The following DGKB variants were observed in gnomAD, a reference collection of about 807,000 sequenced individuals.
The protein encoded by DGKB is 90 kDa diacylglycerol kinase.
Under a neutral mutation model 114.3 loss-of-function variants are expected in DGKB, and 67 were observed. The ratio of observed to expected loss-of-function variants is 0.59; its 90% confidence interval spans 0.48 to 0.72. The LOEUF is 0.72. DGKB is among the 30% of genes least tolerant of loss of function. The probability of loss-of-function intolerance (pLI) is 0.00; values close to 1 mark genes in which losing one functional copy is unlikely to be tolerated. For missense variants in DGKB, 907 were observed against 975.2 expected, an observed-to-expected ratio of 0.93 and a Z score of 0.93; for synonymous variants, 398 against 323.1, an observed-to-expected ratio of 1.23 and a Z score of -2.49.
intron 21 of DGKB, among the ~76,000 whole-genome samples, chr7:14,418,813 A>T (rs1280836207): frequency 1.3e-5 from 2 of 151,976 alleles, no homozygotes; most frequent in Admixed American, 1.3e-4. Flanking sequence ...CAGATTCGTT[A>T]TGAGTAGCAG....
intron 1 of DGKB, among the ~76,000 whole-genome samples, chr7:14,932,282 C>T (rs1316192520): frequency 1.3e-5 from 2 of 152,178 alleles, no homozygotes; most frequent in East Asian, 1.9e-4. Flanking sequence ...TTTCCTTCTT[C>T]ATCCCAGATT....
intron 4 of DGKB, among the ~76,000 whole-genome samples, chr7:14,745,011 G>C (rs1465900731): frequency 6.6e-6 from 1 of 152,118 alleles, no homozygotes; most frequent in African/African-American, 2.4e-5. Flanking sequence ...TAAATAGGGT[G>C]CCCATAACCC....
intron 23 of DGKB, 128 bp downstream of exon 23, chr7:14,338,387 A>T: frequency 2.0e-6 from 1 of 507,632 alleles, no homozygotes; most frequent in Non-Finnish European, 3.3e-6. Context: ...TGGGTATCCC[A>T]TAATATGAAA....
intron 23 of DGKB, 73 bp downstream of exon 23, chr7:14,338,442 A>G: frequency 2.3e-6 from 2 of 871,662 alleles, no homozygotes; most frequent in African/African-American, 1.7e-5. Flanking sequence ...GCAACGGAAG[A>G]CTCTTTACTT....
chr7:14,261,407 C>G (rs1207131731), intron 23 of DGKB, among the ~76,000 whole-genome samples: 1 of 151,930 alleles, frequency 6.6e-6, no homozygotes, highest in African/African-American at 2.4e-5. Context: ...TAGATCATTC[C>G]AAGCAAATAC....
At chr7:14,916,797 T>C (rs759940846) in intron 1 of DGKB, among the ~76,000 whole-genome samples, 2 of 152,126 alleles carry the variant, frequency 1.3e-5, no homozygotes, top group African/African-American at 2.4e-5. Flanking sequence ...CTATATCTAA[T>C]TGACATTTAT....
At chr7:14,659,888 C>G in intron 13 of DGKB, among the ~76,000 whole-genome samples, 1 of 151,932 alleles carries the variant, frequency 6.6e-6, no homozygotes. Flanking sequence ...ATAGCTCTAA[C>G]TATTTTGAAA....
At chr7:14,319,059 T>A (rs939019527) in intron 23 of DGKB, among the ~76,000 whole-genome samples, 4 of 148,540 alleles carry the variant, frequency 2.7e-5, no homozygotes, top group South Asian at 2.1e-4. Flanking sequence ...ACACTGCATA[T>A]GCTCACTCAT....
intron 21 of DGKB, among the ~76,000 whole-genome samples, chr7:14,420,452 A>G (rs890852389): frequency 6.6e-6 from 1 of 152,046 alleles, no homozygotes; most frequent in African/African-American, 2.4e-5. Flanking sequence ...TAAAATATCT[A>G]CCTTATTACA....
At chr7:14,641,005 C>A (rs1045796102) in intron 13 of DGKB, among the ~76,000 whole-genome samples, 1 of 152,102 alleles carries the variant, frequency 6.6e-6, no homozygotes, top group Non-Finnish European at 1.5e-5. Context: ...TGCCCCAACC[C>A]CAAATTTCTT....
chr7:14,937,371 T>C (rs1785328482), intron 1 of DGKB, among the ~76,000 whole-genome samples: 1 of 152,194 alleles, frequency 6.6e-6, no homozygotes. Context: ...TCCAGGTACA[T>C]TGCATATTTT....
At chr7:14,504,897 G>C (rs1157863266) in intron 20 of DGKB, among the ~76,000 whole-genome samples, 2 of 152,054 alleles carry the variant, frequency 1.3e-5, no homozygotes, top group Non-Finnish European at 2.9e-5. Context: ...GATAAGAATA[G>C]TCACTGGTAA....
intron 1 of DGKB, among the ~76,000 whole-genome samples, chr7:14,857,258 T>TTGTTTGTGTGTGTGTGTGTGTGTGTG (rs1850299448): frequency 1.4e-5 from 2 of 138,356 alleles, no homozygotes; most frequent in East Asian, 4.9e-4. Flanking sequence ...CTGTGTGTGT[T>TTGTTTGTGTGTGTGTGTGTGTGTGTG]TGTGTGTGTG....
chr7:14,617,040 C>A (rs1296482752), intron 15 of DGKB, among the ~76,000 whole-genome samples: 1 of 151,646 alleles, frequency 6.6e-6, no homozygotes, highest in African/African-American at 2.4e-5. Context: ...ATTTAAAGAG[C>A]ATGATTTTAG....
rs3067654 is a variant in DGKB at position 14,343,157 on chromosome 7, CCACA to C, written c.1926+2140_1926+2143del. Among the ~76,000 whole-genome samples the C allele has an allele frequency of 4.6e-3, 607 of 132,910 alleles. 4 individuals are homozygous for C. The highest frequency in any genetic ancestry group is 0.014 in the African/African-American group (469 of 34,542). The allele number at this position is 132,910 out of a possible 152,430, so 87.2% of individuals were successfully genotyped here. A position where few individuals can be genotyped will look rare whatever the true frequency, so the allele number is the denominator to read the frequency against. ...AGAGAAGCAGATTTTGCCTAGCTAT[CCACA>C]CACACACACACACACACACACACAC... On this transcript the variant is annotated intron_variant, in intron 22 of 25. Transcript: ENST00000402815.
intron 20 of DGKB, among the ~76,000 whole-genome samples, chr7:14,478,812 AAC>A (rs1404329709): frequency 1.9e-4 from 28 of 147,852 alleles, no homozygotes; most frequent in African/African-American, 6.9e-4. Context: ...AGAAAAAAAA[AAC>A]AACAACAAAG....
At chr7:14,917,556 C>A (rs1784303691) in intron 1 of DGKB, among the ~76,000 whole-genome samples, 1 of 151,906 alleles carries the variant, frequency 6.6e-6, no homozygotes, top group Non-Finnish European at 1.5e-5. Flanking sequence ...AAGACATGAT[C>A]TATAAAAACT....
intron 25 of DGKB, among the ~76,000 whole-genome samples, chr7:14,159,787 C>T (rs1201029925): frequency 1.3e-5 from 2 of 152,154 alleles, no homozygotes; most frequent in Non-Finnish European, 2.9e-5. Flanking sequence ...ATTCTTCTGC[C>T]TTAGCTTCCT....
At chr7:14,478,326 T>A (rs947027985) in intron 20 of DGKB, 101 bp from the exon 21 acceptor site, 9 of 699,666 alleles carry the variant, frequency 1.3e-5, no homozygotes, top group Non-Finnish European at 2.0e-5. Context: ...AAATGAACTT[T>A]TATTTACAAT....
Sources: allele counts gnomAD v4.1 joint callset (sites outside exome capture counted in the v4.1 genomes callset), GRCh38; gene constraint gnomAD v4.1.1; transcripts MANE v1.5; gene names NCBI Gene and HGNC (gene_info 2026-07-23, HGNC 2026-07-21).